Variants in SMAD3 observed in about 807,000 individuals in gnomAD.
The protein encoded by SMAD3 is MAD homolog 3.
Under a neutral mutation model 51.8 loss-of-function variants are expected in SMAD3, and 12 were observed. The observed-to-expected ratio is 0.23, with a 90% CI of 0.15 to 0.38. The LOEUF (loss-of-function observed/expected upper bound fraction) is 0.38, where lower values mean the gene tolerates loss of function less well. Ranked by LOEUF, SMAD3 falls within the 10% of genes least tolerant of loss-of-function variation. SMAD3 has a pLI of 1.00. For synonymous variants in SMAD3, 238 were observed against 227.7 expected (o/e 1.05, Z -0.41); for missense variants, 294 against 565.6 (o/e 0.52, Z 4.87).
chr15:67,163,587 AT>A (rs1294703742), intron 1 of SMAD3, among the ~76,000 whole-genome samples: 1 of 152,052 alleles, frequency 6.6e-6, no homozygotes, highest in Non-Finnish European at 1.5e-5. Flanking sequence ...TCACCTGGGG[AT>A]TTCACAAAGG....
Position 67,166,769 on chromosome 15 carries a change from T to C in SMAD3, c.533-10T>C, listed in dbSNP as rs995045417. 7 of 1,581,026 alleles carry C rather than the reference T, an allele frequency of 4.4e-6. 1 individual carries two copies. The highest frequency in any genetic ancestry group is 5.2e-6 in the Non-Finnish European group (6 of 1,162,010). ...GCCTTTTAACAGACCACCTTCCTTCTGATTCCCAGAGACCCCACCCCCTGG... is the reference window on the plus strand; with the variant it reads ...GCCTTTTAACAGACCACCTTCCTTCCGATTCCCAGAGACCCCACCCCCTGG... On this transcript the variant is annotated splice_polypyrimidine_tract_variant and intron_variant, in intron 3 of 8. Coordinates refer to ENST00000327367, the MANE Select transcript of SMAD3 (RefSeq NM_005902.4).
chr15:67,183,032 T>TATATATATATA (rs59673693), intron 6 of SMAD3, among the ~76,000 whole-genome samples: 8 of 31,012 alleles, frequency 2.6e-4, no homozygotes, highest in South Asian at 1.5e-3. Flanking sequence ...TATATATATA[T>TATATATATATA]TTTTTTTTTT....
rs376659345 is a variant in SMAD3, at chr15:67,149,653, C to CT, written c.207-15231dup. 5.2e-3 allele frequency among the ~76,000 whole-genome samples: 774 copies of CT among 148,852 alleles called. 10 individuals are homozygous for CT. Among genetic ancestry groups the CT allele is most frequent in the African/African-American group, 0.017 (712 of 40,772 alleles). On this transcript the variant is annotated intron_variant, in intron 1 of 8. Transcript: ENST00000327367. ...GTGAATTGCCCCAATGAACCAGAAC[C>CT]TTTTTTTTTTTAGGTACAATAGGAG...
intron 1 of SMAD3, among the ~76,000 whole-genome samples, chr15:67,150,847 CTTTT>C (rs58914503): frequency 5.5e-4 from 8 of 14,668 alleles, no homozygotes; most frequent in Non-Finnish European, 7.9e-4. Flanking sequence ...ATTTCTCAGT[CTTTT>C]TTTTTTTTTT....
chr15:67,103,354 AC>A (rs1026775555), intron 1 of SMAD3, among the ~76,000 whole-genome samples: 1 of 152,212 alleles, frequency 6.6e-6, no homozygotes, highest in Non-Finnish European at 1.5e-5. Flanking sequence ...GGATAGCAGG[AC>A]CCACCTTGAC....
chr15:67,097,474 A>G (rs1242476882), intron 1 of SMAD3, among the ~76,000 whole-genome samples: 2 of 151,990 alleles, frequency 1.3e-5, no homozygotes, highest in Non-Finnish European at 2.9e-5. Flanking sequence ...CAAACTTGTG[A>G]GCTCAGGCTA....
At chr15:67,123,494 C>T (rs1043953156) in intron 1 of SMAD3, among the ~76,000 whole-genome samples, 7 of 151,868 alleles carry the variant, frequency 4.6e-5, no homozygotes, top group South Asian at 2.1e-4. Flanking sequence ...AGCAAAACTC[C>T]GTCTCAAAAA....
chr15:67,144,074 A>G (rs891059579), intron 1 of SMAD3, among the ~76,000 whole-genome samples: 14 of 152,016 alleles, frequency 9.2e-5, no homozygotes, highest in Non-Finnish European at 1.8e-4. Flanking sequence ...TGCCCATGAA[A>G]CCATCACCAG....
chr15:67,126,244 A>G (rs1010166374), intron 1 of SMAD3, among the ~76,000 whole-genome samples: 1 of 151,996 alleles, frequency 6.6e-6, no homozygotes, highest in Non-Finnish European at 1.5e-5. Context: ...AGGTGTTAGG[A>G]TGCTCTGTTT....
chr15:67,122,463 T>C (rs1290896535), intron 1 of SMAD3, among the ~76,000 whole-genome samples: 1 of 152,134 alleles, frequency 6.6e-6, no homozygotes, highest in Non-Finnish European at 1.5e-5. Context: ...TATCGGGGGA[T>C]TTATGGAGCT....
In SMAD3 at chr15:67,066,105, G is replaced by C; in HGVS notation, c.-50G>C. 2 of 1,473,432 alleles carry C rather than the reference G, an allele frequency of 1.4e-6. No homozygotes were observed. The highest frequency in any genetic ancestry group is 1.9e-6 in the Non-Finnish European group (2 of 1,081,062). The allele number at this position is 1,473,432 out of a possible 1,614,324, so 91.3% of individuals were successfully genotyped here. A position where few individuals can be genotyped will look rare whatever the true frequency, so the allele number is the denominator to read the frequency against. ...CTCTGCGCCCCCGGCGTCCCGTCGA[G>C]CCCAGCCCCGCCGGGGGCGCTCCTC... On this transcript the variant is annotated 5_prime_UTR_variant, in exon 1 of 9. Transcript: ENST00000327367.
chr15:67,118,695 G>A (rs547615546), intron 1 of SMAD3, among the ~76,000 whole-genome samples: 2 of 152,332 alleles, frequency 1.3e-5, no homozygotes, highest in East Asian at 3.9e-4. Flanking sequence ...TGATGTGGGT[G>A]TCCTGAGTCG....
At chr15:67,134,007 A>G (rs1170194602) in intron 1 of SMAD3, among the ~76,000 whole-genome samples, 1 of 151,710 alleles carries the variant, frequency 6.6e-6, no homozygotes, top group East Asian at 1.9e-4. Flanking sequence ...CACTTGAGAT[A>G]TTTTCACGTT....
intron 1 of SMAD3, among the ~76,000 whole-genome samples, chr15:67,108,847 T>C (rs1169138929): frequency 6.6e-6 from 1 of 151,810 alleles, no homozygotes; most frequent in Non-Finnish European, 1.5e-5. Context: ...TTGTGCTCTA[T>C]TTTCATTTGG....
intron 1 of SMAD3, among the ~76,000 whole-genome samples, chr15:67,141,855 C>T (rs918538799): frequency 5.3e-5 from 8 of 152,064 alleles, no homozygotes; most frequent in African/African-American, 1.5e-4. Context: ...CCAGAAAAGC[C>T]GATACAAACT....
At chr15:67,176,391 G>A (rs115902362) in intron 5 of SMAD3, among the ~76,000 whole-genome samples, 1,547 of 152,304 alleles carry the variant, frequency 0.01, 19 homozygotes, top group African/African-American at 0.035. Context: ...CCTAGATTGA[G>A]GAAGAGCTGC....
At chr15:67,131,243 C>G (rs1484461644) in intron 1 of SMAD3, among the ~76,000 whole-genome samples, 1 of 152,248 alleles carries the variant, frequency 6.6e-6, no homozygotes, top group East Asian at 1.9e-4. Flanking sequence ...CCGAAGCTGA[C>G]TGAGGCTCAG....
intron 1 of SMAD3, among the ~76,000 whole-genome samples, chr15:67,152,855 A>G (rs1420952599): frequency 6.6e-6 from 1 of 152,184 alleles, no homozygotes; most frequent in Non-Finnish European, 1.5e-5. Flanking sequence ...GACCAAAGCT[A>G]TTAAATAGAA....
At chr15:67,138,111 C>T (rs775368267) in intron 1 of SMAD3, 97 of 1,547,146 alleles carry the variant, frequency 6.3e-5, no homozygotes, top group South Asian at 2.6e-4. Context: ...GTAGGAGCCC[C>T]GTGCCGGGAC....
Sources: allele counts gnomAD v4.1 joint callset (sites outside exome capture counted in the v4.1 genomes callset), GRCh38; gene constraint gnomAD v4.1.1; transcripts MANE v1.5; gene names NCBI Gene and HGNC (gene_info 2026-07-23, HGNC 2026-07-21).